Variants in MPDZ observed in about 807,000 individuals in gnomAD.
MPDZ encodes the protein multiple PDZ domain crumbs cell polarity complex component.
MPDZ carries 234 observed loss-of-function variants against 239.1 expected under a neutral mutation model. The ratio of observed to expected loss-of-function variants is 0.98; its 90% confidence interval spans 0.88 to 1.09. MPDZ has a LOEUF of 1.09. Among genes scored for constraint, MPDZ ranks in the 50% least tolerant of loss-of-function variants. The pLI is 0.00. For synonymous variants in MPDZ, 1,048 were observed against 881.3 expected, an observed-to-expected ratio of 1.19 and a Z score of -3.35; for missense variants, 3,175 against 2,510.0, an observed-to-expected ratio of 1.26 and a Z score of -5.66.
intron 22 of MPDZ, chr9:13,165,360 T>A: frequency 6.5e-7 from 1 of 1,549,466 alleles, no homozygotes; most frequent in Non-Finnish European, 8.7e-7. Context: ...GAATCACTGA[T>A]ACTCACACAT....
At chr9:13,173,661 T>C (rs775136924) in intron 21 of MPDZ, among the ~76,000 whole-genome samples, 1 of 150,558 alleles carries the variant, frequency 6.6e-6, no homozygotes, top group Non-Finnish European at 1.5e-5. Flanking sequence ...GCCGAGATCA[T>C]GCCACTGCAC....
chr9:13,239,172 T>G (rs1964780902), intron 3 of MPDZ, among the ~76,000 whole-genome samples: 1 of 152,184 alleles, frequency 6.6e-6, no homozygotes, highest in Non-Finnish European at 1.5e-5. Context: ...TGTCTCCAAC[T>G]ACTATTAGAC....
At position 13,196,205 on chromosome 9, in the gene MPDZ, T is replaced by G; in HGVS notation, c.1572A>C (p.Ile524=). 1 of 1,595,400 alleles carries G rather than the reference T, an allele frequency of 6.3e-7. No individual in the cohort carries two copies. The change falls in exon 13 of 47, where the codon ATA becomes ATC. Residue 524 remains isoleucine (I), a synonymous_variant. Transcript: ENST00000319217. ...EEGYPLLSAE[I]EEIEDAQKQE... ...GTTTTTGTGCATCTTCTATTTCTTC[T>G]ATCTCAGCTGACAGTAATGGATACC...
chr9:13,113,687 G>GA (rs576491639), intron 41 of MPDZ, among the ~76,000 whole-genome samples: 3 of 151,446 alleles, frequency 2.0e-5, no homozygotes, highest in South Asian at 2.1e-4. Context: ...TGCTTAGTAA[G>GA]AAAAAAAAAT....
chr9:13,241,989 C>T (rs1965517370), intron 3 of MPDZ, among the ~76,000 whole-genome samples: 1 of 151,988 alleles, frequency 6.6e-6, no homozygotes, highest in African/African-American at 2.4e-5. Flanking sequence ...AGAATTTGCT[C>T]CTGTTTTGAG....
chr9:13,128,829 T>G (rs1176971321), intron 32 of MPDZ, among the ~76,000 whole-genome samples: 17 of 152,250 alleles, frequency 1.1e-4, no homozygotes. Context: ...ATGGCCAAAC[T>G]ATGGTTGGCA....
At position 13,169,442 on chromosome 9, in the gene MPDZ, C is replaced by G. The variant is rs1951506994; in HGVS notation, c.3056-878G>C. ...CTTGATGCATACCTCTCTCTTATCC[C>G]CTATATTTAATCCAACACCAAATCC... is the stretch of plus-strand genomic sequence containing the variant. On this transcript the variant is annotated intron_variant, in intron 21 of 46. Transcript: ENST00000319217. Among the ~76,000 whole-genome samples the G allele has an allele frequency of 4.6e-5, 7 of 152,174 alleles. No individual in the cohort carries two copies. In the South Asian group the frequency reaches 1.5e-3, roughly 32 times the overall value.
At chr9:13,246,943 A>C (rs1966711169) in intron 3 of MPDZ, among the ~76,000 whole-genome samples, 2 of 152,372 alleles carry the variant, frequency 1.3e-5, no homozygotes, top group Middle Eastern at 6.8e-3. Flanking sequence ...AAATTAAGTA[A>C]GTTCAAAGAA....
At chr9:13,111,356 T>C (rs563425988) in intron 43 of MPDZ, among the ~76,000 whole-genome samples, 1 of 152,328 alleles carries the variant, frequency 6.6e-6, no homozygotes, top group Non-Finnish European at 1.5e-5. Context: ...AATTTGGATA[T>C]CAAACGAGGC....
chr9:13,261,466 C>A (rs1226852641), intron 1 of MPDZ, among the ~76,000 whole-genome samples: 1 of 151,978 alleles, frequency 6.6e-6, no homozygotes, highest in Non-Finnish European at 1.5e-5. Flanking sequence ...AAAAAAAAAC[C>A]CTCTCAAATA....
chr9:13,108,531 A>G lies in MPDZ; in HGVS notation c.6066+405T>C, dbSNP rs537904188. On this transcript the variant is annotated intron_variant, in intron 46 of 46. Transcript: ENST00000319217. ...ATTAATTTTCATGTGTACTTTATGTACTTCTCTATAACTATTTTATATTTC... is the reference window on the plus strand; with the variant it reads ...ATTAATTTTCATGTGTACTTTATGTGCTTCTCTATAACTATTTTATATTTC... Among the ~76,000 whole-genome samples the G allele has an allele frequency of 1.8e-3, 270 of 152,216 alleles. 1 individual carries two copies. Among genetic ancestry groups the G allele is most frequent in the African/African-American group, 5.9e-3 (243 of 41,534 alleles).
chr9:13,109,570 T>C (rs1942068142), intron 45 of MPDZ, among the ~76,000 whole-genome samples: 1 of 152,200 alleles, frequency 6.6e-6, no homozygotes, highest in South Asian at 2.1e-4. Flanking sequence ...GTGAATTTTT[T>C]CAGTCCAAAT....
chr9:13,222,575 C>A lies in MPDZ; in HGVS notation c.534-129G>T. The stretch of plus-strand genomic sequence containing the variant: ...TTCCCACACTCTAAGCTTTTTCCTG[C>A]AGTTCTACTTTAAAAAAAATACACG... On this transcript the variant is annotated intron_variant, in intron 5 of 46. Coordinates refer to ENST00000319217, the MANE Select transcript of MPDZ (RefSeq NM_001378778.1). The A allele has an allele frequency of 5.5e-6, 4 of 730,708 alleles. No individual in the cohort carries two copies. The East Asian group carries it at 7.8e-5, about 14-fold the overall frequency. The allele number at this position is 730,708 out of a possible 1,614,324, so 45.3% of individuals were successfully genotyped here.
At chr9:13,166,381 T>C (rs1246152925) in intron 22 of MPDZ, among the ~76,000 whole-genome samples, 1 of 152,290 alleles carries the variant, frequency 6.6e-6, no homozygotes, top group Non-Finnish European at 1.5e-5. Flanking sequence ...CTCTTTGTGT[T>C]TTAAAATCTA....
At chr9:13,212,475 G>A (rs1337565655) in intron 10 of MPDZ, among the ~76,000 whole-genome samples, 2 of 151,940 alleles carry the variant, frequency 1.3e-5, no homozygotes, top group East Asian at 3.9e-4. Context: ...AGGCTTTTCT[G>A]GGAGAGGTTT....
chr9:13,156,310 C>G (rs1326735769), intron 24 of MPDZ, among the ~76,000 whole-genome samples: 1 of 152,176 alleles, frequency 6.6e-6, no homozygotes, highest in Admixed American at 6.6e-5. Context: ...ATTTTGCATA[C>G]TGCCTTCTGT....
chr9:13,172,932 C>A (rs548913445), intron 21 of MPDZ, among the ~76,000 whole-genome samples: 33 of 152,280 alleles, frequency 2.2e-4, no homozygotes, highest in Non-Finnish European at 3.8e-4. Context: ...ATAGTGTATA[C>A]ATACAATGGA....
At chr9:13,231,418 T>G (rs1397657116) in intron 3 of MPDZ, among the ~76,000 whole-genome samples, 1 of 151,906 alleles carries the variant, frequency 6.6e-6, no homozygotes, top group Non-Finnish European at 1.5e-5. Flanking sequence ...ATACAAAAAA[T>G]TAGCTGAGCA....
At chr9:13,214,679 A>G (rs1192236256) in intron 10 of MPDZ, among the ~76,000 whole-genome samples, 1 of 152,112 alleles carries the variant, frequency 6.6e-6, no homozygotes, top group East Asian at 1.9e-4. Flanking sequence ...TTTGTAATTC[A>G]GCATCAGATA....
Sources: gnomAD v4.1 joint callset for allele counts (sites outside exome capture counted in the v4.1 genomes callset) on GRCh38, gnomAD v4.1.1 for gene constraint, MANE v1.5 for transcripts, NCBI Gene and HGNC (gene_info 2026-07-23, HGNC 2026-07-21) for gene names.